The following EML5 variants were observed in gnomAD, a reference collection of about 807,000 sequenced individuals.
EML5 encodes EMAP like 5.
A neutral mutation model predicts 250.0 loss-of-function variants in EML5; 120 were observed. The ratio of observed to expected loss-of-function variants is 0.48; its 90% CI spans 0.41 to 0.56. The LOEUF (loss-of-function observed/expected upper bound fraction) is 0.56, where lower values mean the gene tolerates loss of function less well. EML5 is among the 20% of genes least tolerant of loss of function. The pLI is 0.00. For synonymous variants in EML5, 771 were observed against 806.5 expected, an observed-to-expected ratio of 0.96 and a Z score of 0.75; for missense variants, 2,006 against 2,437.6, an observed-to-expected ratio of 0.82 and a Z score of 3.73.
intron 8 of EML5, among the ~76,000 whole-genome samples, chr14:88,716,852 C>T (rs778947342): frequency 3.3e-5 from 5 of 152,126 alleles, no homozygotes; most frequent in Non-Finnish European, 5.9e-5. Flanking sequence ...TATATGACCA[C>T]TCTCTCACAT....
intron 7 of EML5, among the ~76,000 whole-genome samples, chr14:88,729,232 T>C (rs1002452023): frequency 1.3e-5 from 2 of 152,174 alleles, no homozygotes; most frequent in Non-Finnish European, 2.9e-5. Context: ...AGACTTCTAG[T>C]CTATAGCTGA....
At chr14:88,676,271 C>A (rs1193788014) in intron 21 of EML5, among the ~76,000 whole-genome samples, 1 of 152,222 alleles carries the variant, frequency 6.6e-6, no homozygotes, top group Non-Finnish European at 1.5e-5. Context: ...ATTTAACTGA[C>A]TCACAGTTCC....
intron 6 of EML5, among the ~76,000 whole-genome samples, chr14:88,737,854 A>T (rs942925870): frequency 1.3e-5 from 2 of 152,204 alleles, no homozygotes; most frequent in African/African-American, 2.4e-5. Flanking sequence ...ATAAGTACTC[A>T]ATTAGTAAAT....
chr14:88,740,473 C>G lies in EML5; in HGVS notation c.625G>C (p.Glu209Gln), dbSNP rs749357080. The stretch of plus-strand genomic sequence containing the variant: ...TTGAGTGCACCAGAATATGTTAATT[C>G]ATCCCTTGCACAGGCTAGGCACAGT... ...TILCLACARD[E>Q]LTYSGALNGD... The change falls in exon 5 of 44, where the codon GAA becomes CAA. Residue 209 changes from glutamate to glutamine, a missense_variant. Around this residue, in one of 7 missense-constraint regions of EML5, gnomAD observed 1,375 missense variants for 1,590.3 expected, o/e 0.86. Coordinates refer to ENST00000554922, the MANE Select transcript of EML5 (RefSeq NM_183387.3). 2 of 1,613,870 alleles carry G rather than the reference C, an allele frequency of 1.2e-6. No homozygotes were observed. The highest frequency in any genetic ancestry group is 4.5e-5 in the East Asian group (2 of 44,856).
intron 1 of EML5, among the ~76,000 whole-genome samples, chr14:88,760,900 T>G (rs1239510048): frequency 6.6e-6 from 1 of 152,162 alleles, no homozygotes; most frequent in Admixed American, 6.5e-5. Context: ...ATATAGATAT[T>G]TTTGAGCTTT....
chr14:88,745,167 T>TTGTGTGTGTG lies in EML5; in HGVS notation c.456+1008_456+1017dup, dbSNP rs1555370057. Among the ~76,000 whole-genome samples, 357 of 145,278 alleles carry TTGTGTGTGTG rather than the reference T, an allele frequency of 2.5e-3. 2 individuals carry two copies. The highest frequency in any genetic ancestry group is 7.5e-3 in the African/African-American group (292 of 38,988). Reference sequence around the variant, plus strand: ...TTTAATAATGGTCTAAATTGTGTGTTTGTGTGTGTGTGTGTGTGTGTGTGT... The same window carrying TTGTGTGTGTG: ...TTTAATAATGGTCTAAATTGTGTGTTTGTGTGTGTGTGTGTGTGTGTGTGTGTGTGTGTGT... On this transcript the variant is annotated intron_variant, in intron 3 of 43. Coordinates refer to ENST00000554922, the MANE Select transcript of EML5 (RefSeq NM_183387.3).
chr14:88,689,107 T>G (rs2092902680), intron 17 of EML5, among the ~76,000 whole-genome samples: 1 of 152,230 alleles, frequency 6.6e-6, no homozygotes, highest in Admixed American at 6.5e-5. Context: ...AACTATACCA[T>G]GGCTTATCCA....
intron 1 of EML5, among the ~76,000 whole-genome samples, chr14:88,758,957 TC>T (rs1407299208): frequency 2.0e-5 from 3 of 152,062 alleles, no homozygotes; most frequent in Non-Finnish European, 4.4e-5. Context: ...AATATGCAAA[TC>T]CATAAAGAAA....
chr14:88,741,839 T>C (rs1387021458), intron 4 of EML5, among the ~76,000 whole-genome samples: 1 of 152,182 alleles, frequency 6.6e-6, no homozygotes, highest in Non-Finnish European at 1.5e-5. Flanking sequence ...TTTAAAATAA[T>C]TTATTATCAT....
At chr14:88,622,150 T>C (rs1440435925) in intron 37 of EML5, 2 of 184,698 alleles carry the variant, frequency 1.1e-5, no homozygotes, top group East Asian at 1.3e-4. Context: ...GCCTGGCTTA[T>C]TTCACTTCAC....
At chr14:88,643,062 G>A in intron 30 of EML5, 40 bp from the exon 31 acceptor site, 3 of 1,525,182 alleles carry the variant, frequency 2.0e-6, no homozygotes, top group Non-Finnish European at 2.6e-6. Context: ...TCTTCCTCAT[G>A]TATAAATGTT....
At chr14:88,757,676 C>A (rs988522393) in intron 1 of EML5, among the ~76,000 whole-genome samples, 1 of 151,970 alleles carries the variant, frequency 6.6e-6, no homozygotes, top group Non-Finnish European at 1.5e-5. Flanking sequence ...AACAGACATA[C>A]CCCCAAGGAA....
intron 30 of EML5, among the ~76,000 whole-genome samples, chr14:88,643,777 T>C (rs1439005309): frequency 1.3e-5 from 2 of 152,238 alleles, no homozygotes; most frequent in Non-Finnish European, 2.9e-5. Context: ...TGACAATTCA[T>C]GCTAAAGTTC....
rs747789169 is a variant in EML5, at chr14:88,769,325, C to T, written c.198-14654G>A. Among the ~76,000 whole-genome samples, 42 of 152,150 alleles carry T rather than the reference C, an allele frequency of 2.8e-4. 1 individual carries two copies. The highest frequency in any genetic ancestry group is 8.8e-5 in the Non-Finnish European group (6 of 68,026). On this transcript the variant is annotated intron_variant, in intron 1 of 43. Transcript: ENST00000554922. ...GATCTCCCCACCTCGCTTCCTTCTACTCTAGCCATGTGAAGTGCCTTGCCT... is the reference window on the plus strand; with the variant it reads ...GATCTCCCCACCTCGCTTCCTTCTATTCTAGCCATGTGAAGTGCCTTGCCT...
intron 4 of EML5, among the ~76,000 whole-genome samples, chr14:88,741,404 A>G (rs114994561): frequency 0.013 from 2,037 of 152,342 alleles, 50 homozygotes; most frequent in African/African-American, 0.045. Flanking sequence ...TAAAAAAATA[A>G]GATAGATGTC....
intron 33 of EML5, among the ~76,000 whole-genome samples, chr14:88,628,290 G>C (rs1030245511): frequency 6.6e-6 from 1 of 152,066 alleles, no homozygotes; most frequent in Admixed American, 6.6e-5. Context: ...GAAACCACCT[G>C]AATAGATCTC....
Position 88,664,622 on chromosome 14 carries a change from A to C in EML5, c.3280T>G (p.Ser1094Ala). ...MISDIRFSPG[S>A]GKYLAVASHD... ...GATGCTACAGCAAGATATTTCCCAGAACCTATAATAGAAACATATTTGCTT... is the reference window on the plus strand; with the variant it reads ...GATGCTACAGCAAGATATTTCCCAGCACCTATAATAGAAACATATTTGCTT... Residue 1094 changes from serine (S) to alanine (A), a missense_variant and splice_region_variant, in exon 23 of 44, where the codon TCT becomes GCT. Ser to Ala is a moderately conservative substitution (Grantham distance 99). Coordinates refer to ENST00000554922, the MANE Select transcript of EML5 (RefSeq NM_183387.3). 1 of 1,603,664 alleles carries C rather than the reference A, an allele frequency of 6.2e-7. No individual in the cohort carries two copies. Among genetic ancestry groups the C allele is most frequent in the Non-Finnish European group, 8.5e-7 (1 of 1,177,036 alleles).
intron 15 of EML5, among the ~76,000 whole-genome samples, 183 bp downstream of exon 15, chr14:88,696,644 CTATACTCATTAAGTTATAAT>C (rs2093086550): frequency 6.6e-6 from 1 of 152,116 alleles, no homozygotes; most frequent in African/African-American, 2.4e-5. Context: ...AGTATTAAAA[CTATACTCATTAAGTTATAAT>C]TATAAACTAG....
At chr14:88,729,924 T>C (rs970709886) in intron 7 of EML5, among the ~76,000 whole-genome samples, 5 of 151,864 alleles carry the variant, frequency 3.3e-5, no homozygotes, top group Non-Finnish European at 7.4e-5. Flanking sequence ...ACTGTCTTTG[T>C]ATCACACTAC....
Sources: gnomAD v4.1 joint callset for allele counts (sites outside exome capture counted in the v4.1 genomes callset) on GRCh38, gnomAD v4.1.1 for gene constraint, gnomAD v4.1.1 regional missense constraint, MANE v1.5 for transcripts, NCBI Gene and HGNC (gene_info 2026-07-23, HGNC 2026-07-21) for gene names.